Variants in FAM53B observed in about 807,000 individuals in gnomAD.
The protein encoded by FAM53B is protein FAM53B.
Under a neutral mutation model 32.7 loss-of-function variants are expected in FAM53B, and 12 were observed. The observed-to-expected ratio is 0.37, with a 90% confidence interval of 0.24 to 0.59. The LOEUF (loss-of-function observed/expected upper bound fraction) is 0.59, where lower values mean the gene tolerates loss of function less well. FAM53B is among the 20% of genes least tolerant of loss of function. FAM53B has a pLI of 0.72. For missense variants in FAM53B, 477 were observed against 577.7 expected (o/e 0.83, Z 1.79); for synonymous variants, 234 against 228.7 (o/e 1.02, Z -0.21).
chr10:124,667,560 G>A (rs952816855), intron 4 of FAM53B: 3 of 656,520 alleles, frequency 4.6e-6, no homozygotes, highest in Non-Finnish European at 8.4e-6. Context: ...CACATCCACA[G>A]GGCTGAGGAG....
chr10:124,642,544 G>C (rs1193894512), intron 4 of FAM53B, among the ~76,000 whole-genome samples: 1 of 152,208 alleles, frequency 6.6e-6, no homozygotes, highest in Non-Finnish European at 1.5e-5. Context: ...TGGCTTGCAG[G>C]TGTCCCGCTC....
At chr10:124,656,347 C>G (rs1949589208) in intron 4 of FAM53B, among the ~76,000 whole-genome samples, 1 of 152,368 alleles carries the variant, frequency 6.6e-6, no homozygotes, top group East Asian at 1.9e-4. Context: ...GGGAGCCCTG[C>G]TGTAGTGGGA....
chr10:124,689,286 C>T (rs1949819855), intron 3 of FAM53B, among the ~76,000 whole-genome samples: 1 of 152,198 alleles, frequency 6.6e-6, no homozygotes, highest in Admixed American at 6.5e-5. Context: ...GGGACACAAG[C>T]AGGGCAATGA....
chr10:124,667,216 G>A (rs757304575), intron 4 of FAM53B: 15 of 553,248 alleles, frequency 2.7e-5, no homozygotes, highest in Non-Finnish European at 4.5e-5. Flanking sequence ...TACTTACATC[G>A]ATGACATGTG....
chr10:124,707,591 T>C (rs974894425), intron 1 of FAM53B, among the ~76,000 whole-genome samples: 1 of 152,080 alleles, frequency 6.6e-6, no homozygotes, highest in Non-Finnish European at 1.5e-5. Context: ...TACAAAAAAT[T>C]AGCTGGGCTT....
In FAM53B at chr10:124,719,949, G is replaced by C. The variant is rs1019902618; in HGVS notation, c.-174-13062C>G. ...AGGCCAAGGCAGGCAGATCACCTGA[G>C]GTAAGGAGTTCGAGACCAGCCTGGC... On this transcript the variant is annotated intron_variant, in intron 1 of 4. Coordinates refer to ENST00000337318, the MANE Select transcript of FAM53B (RefSeq NM_014661.4). 2.3e-4 allele frequency among the ~76,000 whole-genome samples: 35 copies of C among 152,158 alleles called. 1 individual carries two copies. Among genetic ancestry groups the C allele is most frequent in the Non-Finnish European group, 1.0e-4 (7 of 68,034 alleles).
intron 4 of FAM53B, among the ~76,000 whole-genome samples, chr10:124,673,541 A>G (rs1949719756): frequency 1.3e-5 from 2 of 152,178 alleles, no homozygotes; most frequent in African/African-American, 4.8e-5. Flanking sequence ...AGGCGGGGAC[A>G]CCATTGCTCT....
At chr10:124,710,052 A>C (rs915891100) in intron 1 of FAM53B, among the ~76,000 whole-genome samples, 1 of 152,224 alleles carries the variant, frequency 6.6e-6, no homozygotes, top group African/African-American at 2.4e-5. Flanking sequence ...GGAAGGGTGT[A>C]AGCAAGGCGT....
intron 4 of FAM53B, among the ~76,000 whole-genome samples, chr10:124,680,242 A>C (rs1949760788): frequency 6.6e-6 from 1 of 151,984 alleles, no homozygotes; most frequent in African/African-American, 2.4e-5. Context: ...TCTGCCCCAC[A>C]CCCCTTCAGG....
At chr10:124,739,062 A>C (rs946604764) in intron 1 of FAM53B, among the ~76,000 whole-genome samples, 64 of 152,258 alleles carry the variant, frequency 4.2e-4, no homozygotes, top group Middle Eastern at 3.4e-3. Context: ...AAAAACAAAA[A>C]ACAAAAAAAC....
intron 3 of FAM53B, among the ~76,000 whole-genome samples, chr10:124,685,187 G>T (rs556996306): frequency 1.3e-5 from 2 of 152,218 alleles, no homozygotes; most frequent in Admixed American, 6.5e-5. Flanking sequence ...AGGTAAGAAA[G>T]AAATAAACCG....
intron 2 of FAM53B, chr10:124,705,676 A>G (rs965310796): frequency 1.3e-5 from 2 of 152,154 alleles, no homozygotes; most frequent in Admixed American, 1.3e-4. Context: ...CCTGGTGCCC[A>G]ACACACGGAA....
chr10:124,641,448 G>T (rs1035922674), intron 4 of FAM53B, among the ~76,000 whole-genome samples: 8 of 152,174 alleles, frequency 5.3e-5, no homozygotes, highest in African/African-American at 1.9e-4. Context: ...CTCTGTCCTG[G>T]CACCAACATC....
At position 124,672,813 on chromosome 10, in the gene FAM53B, A is replaced by G. The variant is rs975763083; in HGVS notation, c.906+8794T>C. Reference sequence around the variant, plus strand: ...GAGCAGCTGGGCTAGCAAATCACAGATGTGCAAGGACTGGGGGGTAAGACA... The same window carrying G: ...GAGCAGCTGGGCTAGCAAATCACAGGTGTGCAAGGACTGGGGGGTAAGACA... On this transcript the variant is annotated intron_variant, in intron 4 of 4. Coordinates refer to ENST00000337318, the MANE Select transcript of FAM53B (RefSeq NM_014661.4). Among the ~76,000 whole-genome samples, 7 of 152,198 alleles carry G rather than the reference A, an allele frequency of 4.6e-5. No individual in the cohort carries two copies. The South Asian group carries it at 8.3e-4, about 18-fold the overall frequency.
intron 4 of FAM53B, among the ~76,000 whole-genome samples, chr10:124,624,646 C>A (rs896074697): frequency 6.6e-6 from 1 of 152,150 alleles, no homozygotes; most frequent in Non-Finnish European, 1.5e-5. Flanking sequence ...GGGGCCTGCC[C>A]GAGCGGCAGG....
At position 124,733,662 on chromosome 10, in the gene FAM53B, T is replaced by C. The variant is rs1950158560; in HGVS notation, c.-175+10351A>G. ...GGGAATCCCAAGGGCGCCTGCTAAATGCGAGAGTTTTGTCTAAAAATAAAC... is the reference window on the plus strand; with the variant it reads ...GGGAATCCCAAGGGCGCCTGCTAAACGCGAGAGTTTTGTCTAAAAATAAAC... On this transcript the variant is annotated intron_variant, in intron 1 of 4. Coordinates refer to ENST00000337318, the MANE Select transcript of FAM53B (RefSeq NM_014661.4). The surrounding 1 kb of genome is among the most constrained non-coding windows in gnomAD (Gnocchi z 4.3). Among the ~76,000 whole-genome samples the C allele has an allele frequency of 6.6e-6, 1 of 152,364 alleles. No individual in the cohort carries two copies. Among genetic ancestry groups the C allele is most frequent in the East Asian group, 1.9e-4 (1 of 5,192 alleles).
At position 124,743,730 on chromosome 10, in the gene FAM53B, AGCCAG is replaced by A. The variant is rs561371323; in HGVS notation, c.-175+278_-175+282del. Among the ~76,000 whole-genome samples, 779 of 151,824 alleles carry A rather than the reference AGCCAG, an allele frequency of 5.1e-3. 8 individuals are homozygous for A. Among genetic ancestry groups the A allele is most frequent in the African/African-American group, 0.018 (726 of 41,404 alleles). On this transcript the variant is annotated intron_variant, in intron 1 of 4. Coordinates refer to ENST00000337318, the MANE Select transcript of FAM53B (RefSeq NM_014661.4). ...TGGGGAGCGCAGACTTTTCCGCCGC[AGCCAG>A]GCTTGTTCTTCCCCATGCCTGTGCT... is the stretch of plus-strand genomic sequence containing the variant.
intron 4 of FAM53B, among the ~76,000 whole-genome samples, chr10:124,677,892 G>A (rs998887993): frequency 1.4e-4 from 21 of 152,128 alleles, no homozygotes; most frequent in Admixed American, 2.0e-4. Flanking sequence ...CACACACGGC[G>A]AACTCCCTCT....
intron 4 of FAM53B, among the ~76,000 whole-genome samples, chr10:124,675,430 G>A (rs554112063): frequency 8.5e-5 from 13 of 152,210 alleles, no homozygotes; most frequent in East Asian, 5.8e-4. Flanking sequence ...GGTGTGGGGC[G>A]AGCTACCATG....
Sources: allele counts gnomAD v4.1 joint callset (sites outside exome capture counted in the v4.1 genomes callset), GRCh38; gene constraint gnomAD v4.1.1; non-coding constraint Gnocchi (gnomAD v3.1); transcripts MANE v1.5; gene names NCBI Gene and HGNC (gene_info 2026-07-23, HGNC 2026-07-21).